Variants in NRP1 observed in about 807,000 individuals in gnomAD.
NRP1 encodes the protein neuropilin-1.
A neutral mutation model predicts 106.7 loss-of-function variants in NRP1; 35 were observed. The observed-to-expected ratio is 0.33, with a 90% CI of 0.25 to 0.43. NRP1 has a LOEUF of 0.43. Ranked by LOEUF, NRP1 falls within the 20% of genes least tolerant of loss-of-function variation. NRP1 has a pLI of 1.00. For synonymous variants in NRP1, 437 were observed against 417.9 expected, an observed-to-expected ratio of 1.05 and a Z score of -0.56; for missense variants, 1,024 against 1,170.4, an observed-to-expected ratio of 0.87 and a Z score of 1.83.
intron 5 of NRP1, 52 bp downstream of exon 5, chr10:33,256,264 G>A (rs750539631): frequency 2.7e-5 from 43 of 1,573,946 alleles, no homozygotes; most frequent in Non-Finnish European, 3.8e-5. Context: ...GTGTGAGCAG[G>A]AATAACATTG....
Position 33,226,139 on chromosome 10 carries a change from G to T in NRP1, c.1132C>A (p.Pro378Thr). 6.2e-7 allele frequency: 1 copy of T among 1,614,058 alleles called. No individual in the cohort carries two copies. Among genetic ancestry groups the T allele is most frequent in the Non-Finnish European group, 8.5e-7 (1 of 1,179,958 alleles). ...ACGGTGGCAGCCTAACTTACAACAG[G>T]TTTGTTTCCTTCTTTTATGGTGATC... ...DWITIKEGNK[P>T]VLFQGNTNPT... Residue 378 changes from proline to threonine, a missense_variant, in exon 7 of 17, where the codon CCT becomes ACT. Physicochemically the swap from Pro to Thr is conservative, Grantham distance 38. This residue lies in a region of NRP1 where 562 missense variants were observed against 620.3 expected (regional missense o/e 0.91). Transcript: ENST00000374867.
rs558968238 is a variant in NRP1, at chr10:33,278,298, G to C, written c.249-7442C>G. 3.9e-5 allele frequency among the ~76,000 whole-genome samples: 6 copies of C among 152,146 alleles called. No individual in the cohort carries two copies. The East Asian group carries it at 1.2e-3, about 29-fold the overall frequency. On this transcript the variant is annotated intron_variant, in intron 2 of 16. Transcript: ENST00000374867. Reference sequence around the variant, plus strand: ...GATTCCATGTATTACTACATGGGAGGACTCAAGGTTTTTGCTGTCTGCATA... The same window carrying C: ...GATTCCATGTATTACTACATGGGAGCACTCAAGGTTTTTGCTGTCTGCATA...
chr10:33,178,357 C>A lies in NRP1; in HGVS notation c.*1719G>T, dbSNP rs1231787153. On this transcript the variant is annotated 3_prime_UTR_variant, in exon 17 of 17. Coordinates refer to ENST00000374867, the MANE Select transcript of NRP1 (RefSeq NM_003873.7). ...CTGGTAAGATATTTGCTTCCCTGTG[C>A]TGTTAGAGGCTTAGATGTTGCCAGC... 6.6e-6 allele frequency: 1 copy of A among 152,200 alleles called. No homozygotes were observed. The highest frequency in any genetic ancestry group is 2.4e-5 in the African/African-American group (1 of 41,454). 9.4% of individuals were successfully genotyped at this position (152,200 alleles called of 1,614,324 possible).
intron 8 of NRP1, among the ~76,000 whole-genome samples, chr10:33,220,281 C>T (rs1839124456): frequency 6.6e-6 from 1 of 152,078 alleles, no homozygotes; most frequent in Non-Finnish European, 1.5e-5. Context: ...AAGTCGGTAT[C>T]ATTCTCCTCT....
At chr10:33,326,102 C>A (rs1847874388) in intron 2 of NRP1, among the ~76,000 whole-genome samples, 1 of 152,182 alleles carries the variant, frequency 6.6e-6, no homozygotes. Context: ...TGTAACCATA[C>A]ACCTCTTTGC....
rs182446875 is a variant in NRP1, at chr10:33,239,633, G to A, written c.982-13344C>T. On this transcript the variant is annotated intron_variant, in intron 6 of 16. Transcript: ENST00000374867. Reference sequence around the variant, plus strand: ...GCTAACTGATGAATTTCACTGGCTAGGTCCACACTGTGTGAAGTATTCCTT... The same window carrying A: ...GCTAACTGATGAATTTCACTGGCTAAGTCCACACTGTGTGAAGTATTCCTT... Among the ~76,000 whole-genome samples, 155 of 152,252 alleles carry A rather than the reference G, an allele frequency of 1.0e-3. 1 individual carries two copies. The highest frequency in any genetic ancestry group is 3.6e-3 in the African/African-American group (148 of 41,550).
Position 33,334,454 on chromosome 10 carries a change from A to T in NRP1, c.-72T>A. 7.4e-7 allele frequency: 1 copy of T among 1,358,646 alleles called. No individual in the cohort carries two copies. The highest frequency in any genetic ancestry group is 1.2e-5 in the South Asian group (1 of 80,304). 84.2% of individuals were successfully genotyped at this position (1,358,646 alleles called of 1,614,324 possible). ...GGGGGGAAATGCAGCAAAGAGGAGA[A>T]TCTAAGCGATCCGAAGAGCCCCAAC... is the stretch of plus-strand genomic sequence containing the variant. On this transcript the variant is annotated 5_prime_UTR_variant, in exon 1 of 17. Transcript: ENST00000374867.
intron 2 of NRP1, among the ~76,000 whole-genome samples, chr10:33,290,174 GT>G (rs1844891513): frequency 1.3e-5 from 2 of 152,116 alleles, no homozygotes; most frequent in Non-Finnish European, 2.9e-5. Flanking sequence ...ACGTCTATAT[GT>G]GCATATATTT....
At chr10:33,249,026 G>T (rs1841633726) in intron 6 of NRP1, among the ~76,000 whole-genome samples, 1 of 148,478 alleles carries the variant, frequency 6.7e-6, no homozygotes, top group East Asian at 2.0e-4. Context: ...TAATCCTGGT[G>T]CTATTTTTGT....
At position 33,334,343 on chromosome 10, in the gene NRP1, G is replaced by C. The variant is rs1377623827; in HGVS notation, c.40C>G (p.Leu14Val). 1 of 1,546,146 alleles carries C rather than the reference G, an allele frequency of 6.5e-7. No individual in the cohort carries two copies. The highest frequency in any genetic ancestry group is 2.4e-5 in the East Asian group (1 of 41,200). Residue 14 changes from leucine to valine, a missense_variant, in exon 1 of 17, where the codon CTC (leucine) becomes GTC (valine). Transcript: ENST00000374867. Reference sequence around the variant, plus strand: ...AAAGCGCCGGCCGGGGCGAGGACGAGGGCGAGCACGGCGCAGAGGAGCGGC... The same window carrying C: ...AAAGCGCCGGCCGGGGCGAGGACGACGGCGAGCACGGCGCAGAGGAGCGGC... ...GLPLLCAVLA[L>V]VLAPAGAFRN...
chr10:33,222,691 T>A (rs1255715793), intron 7 of NRP1, among the ~76,000 whole-genome samples: 1 of 152,080 alleles, frequency 6.6e-6, no homozygotes, highest in Non-Finnish European at 1.5e-5. Context: ...CAGCTAATTT[T>A]TGTATTTTTG....
intron 2 of NRP1, among the ~76,000 whole-genome samples, chr10:33,313,527 A>G (rs1846765760): frequency 6.6e-6 from 1 of 152,190 alleles, no homozygotes; most frequent in South Asian, 2.1e-4. Flanking sequence ...AAAAAAAGAC[A>G]TCTTTGTAAT....
Position 33,330,638 on chromosome 10 carries a change from T to C in NRP1, c.248+70A>G, listed in dbSNP as rs116356873. 1.9e-3 allele frequency: 2,676 copies of C among 1,380,006 alleles called. 20 individuals are homozygous for C. The highest frequency in any genetic ancestry group is 0.012 in the African/African-American group (807 of 69,216). 85.5% of individuals were successfully genotyped at this position (1,380,006 alleles called of 1,614,324 possible). A position where few individuals can be genotyped will look rare whatever the true frequency, so the allele number is the denominator to read the frequency against. ...TATAATCTACATTGTACACACCGAC[T>C]TCCCCCCCGTAGACAGGCGTGACCA... On this transcript the variant is annotated intron_variant, in intron 2 of 16. Coordinates refer to ENST00000374867, the MANE Select transcript of NRP1 (RefSeq NM_003873.7).
At chr10:33,310,028 A>G (rs1434426387) in intron 2 of NRP1, among the ~76,000 whole-genome samples, 1 of 150,046 alleles carries the variant, frequency 6.7e-6, no homozygotes, top group Non-Finnish European at 1.5e-5. Context: ...GCTCACTGCA[A>G]CCTCCGCCTC....
intron 2 of NRP1, among the ~76,000 whole-genome samples, chr10:33,325,778 C>T (rs1307955813): frequency 1.3e-5 from 2 of 152,144 alleles, no homozygotes; most frequent in African/African-American, 2.4e-5. Flanking sequence ...TACAAGTATG[C>T]GATCTTCCTT....
At chr10:33,313,488 T>A (rs1256117946) in intron 2 of NRP1, among the ~76,000 whole-genome samples, 3 of 152,188 alleles carry the variant, frequency 2.0e-5, no homozygotes, top group Non-Finnish European at 4.4e-5. Context: ...TGTATACATC[T>A]GCTACATACC....
At chr10:33,194,860 A>C in intron 12 of NRP1, 2 of 459,820 alleles carry the variant, frequency 4.3e-6, no homozygotes, top group South Asian at 1.6e-5. Context: ...GGAAAGGAGA[A>C]AGGGAGAGAG....
Position 33,188,910 on chromosome 10 carries a change from AATATATATATAT to A in NRP1, c.2063-2434_2063-2423del, listed in dbSNP as rs9299704. On this transcript the variant is annotated intron_variant, in intron 13 of 16. Coordinates refer to ENST00000374867, the MANE Select transcript of NRP1 (RefSeq NM_003873.7). ...CCTAGGCAACAGAGACCCTGTCTTA[AATATATATATAT>A]ATATATATATATATAAATTAAAACT... Among the ~76,000 whole-genome samples the A allele has an allele frequency of 8.2e-4, 91 of 111,384 alleles. 3 individuals carry two copies. Among genetic ancestry groups the A allele is most frequent in the Admixed American group, 7.1e-3 (83 of 11,660 alleles). 73.1% of individuals were successfully genotyped at this position (111,384 alleles called of 152,430 possible).
chr10:33,213,433 C>G lies in NRP1; in HGVS notation c.1567G>C (p.Gly523Arg). 1 of 1,613,984 alleles carries G rather than the reference C, an allele frequency of 6.2e-7. No individual in the cohort carries two copies. ...RKFKIGYSNN[G>R]SDWKMIMDDS... ...TCCATGATCATCTTCCAGTCCGAGC[C>G]GTTGTTGCTGTACCCGATCTTGAAC... The change falls in exon 9 of 17, where the codon GGC (glycine) becomes CGC (arginine). Residue 523 changes from glycine to arginine, a missense_variant. Gly to Arg is a moderately radical substitution (Grantham distance 125, BLOSUM62 -2). Around this residue, in one of 5 missense-constraint regions of NRP1, gnomAD observed 562 missense variants for 620.3 expected, o/e 0.91. Coordinates refer to ENST00000374867, the MANE Select transcript of NRP1 (RefSeq NM_003873.7).
Sources: allele counts gnomAD v4.1 joint callset (sites outside exome capture counted in the v4.1 genomes callset), GRCh38; gene constraint gnomAD v4.1.1; regional missense constraint gnomAD v4.1.1; transcripts MANE v1.5; gene names NCBI Gene and HGNC (gene_info 2026-07-23, HGNC 2026-07-21).